Variants in DLGAP1 observed in about 807,000 individuals in gnomAD.
DLGAP1 encodes the protein DLG associated protein 1, also known as disks large-associated protein 1.
In DLGAP1, 11 loss-of-function variants were observed where a neutral mutation model predicts 90.8. That is an observed-to-expected ratio of 0.12 (90% CI 0.08 to 0.20). The LOEUF (loss-of-function observed/expected upper bound fraction) is 0.20. DLGAP1 is among the 10% of genes least tolerant of loss of function. The probability of loss-of-function intolerance (pLI) is 1.00; values close to 1 mark genes in which losing one functional copy is unlikely to be tolerated. For synonymous variants in DLGAP1, 558 were observed against 540.7 expected, an observed-to-expected ratio of 1.03 and a Z score of -0.44; for missense variants, 1,050 against 1,333.8, an observed-to-expected ratio of 0.79 and a Z score of 3.31.
At chr18:3,567,416 T>G in intron 9 of DLGAP1, 74 bp downstream of exon 9, 1 of 1,281,206 alleles carries the variant, frequency 7.8e-7, no homozygotes, top group Non-Finnish European at 1.1e-6. Flanking sequence ...TTTTGTAGAC[T>G]TATCACGGGG....
At chr18:3,518,434 G>A (rs1238773771) in intron 10 of DLGAP1, among the ~76,000 whole-genome samples, 1 of 151,946 alleles carries the variant, frequency 6.6e-6, no homozygotes, top group Non-Finnish European at 1.5e-5. Context: ...ACCAAAGTCT[G>A]ACACAAAAAC....
chr18:4,031,435 A>G (rs904858980), intron 2 of DLGAP1, among the ~76,000 whole-genome samples: 2 of 152,224 alleles, frequency 1.3e-5, no homozygotes, highest in African/African-American at 4.8e-5. Context: ...CCCCCTCATG[A>G]AAATCCTCTG....
At chr18:4,095,430 A>G (rs1297304237) in intron 2 of DLGAP1, among the ~76,000 whole-genome samples, 1 of 152,194 alleles carries the variant, frequency 6.6e-6, no homozygotes, top group East Asian at 1.9e-4. Context: ...GAACCCCTAA[A>G]GAGTTCTAGT....
chr18:3,556,841 C>G (rs1198704102), intron 9 of DLGAP1, among the ~76,000 whole-genome samples: 1 of 152,134 alleles, frequency 6.6e-6, no homozygotes, highest in Non-Finnish European at 1.5e-5. Flanking sequence ...GTTGATTAGG[C>G]AAGGTAGTTC....
At chr18:3,738,333 A>G (rs1436446704) in intron 6 of DLGAP1, among the ~76,000 whole-genome samples, 8 of 147,566 alleles carry the variant, frequency 5.4e-5, no homozygotes, top group Admixed American at 5.3e-4. Flanking sequence ...CCTAAGCCAA[A>G]AGAACAAAGC....
intron 1 of DLGAP1, among the ~76,000 whole-genome samples, chr18:4,382,455 AAAT>A (rs2082145260): frequency 6.6e-6 from 1 of 151,488 alleles, no homozygotes; most frequent in East Asian, 1.9e-4. Flanking sequence ...ATGAGAAAAA[AAAT>A]AACTGGGGCC....
intron 1 of DLGAP1, among the ~76,000 whole-genome samples, chr18:4,184,266 C>T (rs12969202): frequency 0.093 from 14,141 of 152,090 alleles, 863 homozygotes; most frequent in East Asian, 0.28. Context: ...GAACCAAAAC[C>T]CCTTGGGACG....
intron 7 of DLGAP1, among the ~76,000 whole-genome samples, chr18:3,676,599 C>T (rs2060311291): frequency 6.6e-6 from 1 of 152,100 alleles, no homozygotes; most frequent in Non-Finnish European, 1.5e-5. Flanking sequence ...GAGCAACTTC[C>T]TTCTTTCACA....
chr18:4,337,881 T>C (rs1226069988), intron 1 of DLGAP1, among the ~76,000 whole-genome samples: 1 of 152,200 alleles, frequency 6.6e-6, no homozygotes, highest in African/African-American at 2.4e-5. Context: ...ACAATGTTCT[T>C]TTCACAGAAG....
intron 3 of DLGAP1, chr18:3,896,333 A>G (rs1223712711): frequency 6.6e-6 from 1 of 151,702 alleles, no homozygotes; most frequent in Non-Finnish European, 1.5e-5. Context: ...ACATCACAGC[A>G]GAGACCACCG....
intron 7 of DLGAP1, among the ~76,000 whole-genome samples, chr18:3,583,805 G>A (rs2055714102): frequency 3.3e-5 from 5 of 152,164 alleles, no homozygotes; most frequent in South Asian, 4.1e-4. Context: ...AAAATTAGCC[G>A]GGTGTGGTGG....
chr18:3,552,608 G>A (rs74616867), intron 9 of DLGAP1, among the ~76,000 whole-genome samples: 5,248 of 152,236 alleles, frequency 0.034, 100 homozygotes, highest in Middle Eastern at 0.078. Context: ...AACACTGTTT[G>A]TATATCTTCA....
chr18:4,189,133 T>A (rs2077350358), intron 1 of DLGAP1, among the ~76,000 whole-genome samples: 1 of 152,144 alleles, frequency 6.6e-6, no homozygotes, highest in Non-Finnish European at 1.5e-5. Flanking sequence ...TTGATGAACA[T>A]CATCTCCATA....
intron 2 of DLGAP1, among the ~76,000 whole-genome samples, chr18:4,090,671 T>C: frequency 6.6e-6 from 1 of 152,160 alleles, no homozygotes; most frequent in East Asian, 1.9e-4. Flanking sequence ...TTAATCACTG[T>C]GGAAAAGTGT....
intron 1 of DLGAP1, among the ~76,000 whole-genome samples, chr18:4,361,305 A>C (rs900151567): frequency 1.3e-5 from 2 of 152,234 alleles, no homozygotes; most frequent in African/African-American, 4.8e-5. Context: ...TAGCCAAAAC[A>C]GTACCTAAAA....
intron 3 of DLGAP1, among the ~76,000 whole-genome samples, chr18:3,990,950 T>C (rs1189648882): frequency 1.3e-5 from 2 of 151,852 alleles, no homozygotes; most frequent in Non-Finnish European, 1.5e-5. Flanking sequence ...CTAAAATGTA[T>C]GTTATTTATG....
chr18:3,991,340 G>A (rs4541164), intron 3 of DLGAP1, among the ~76,000 whole-genome samples: 3 of 151,850 alleles, frequency 2.0e-5, no homozygotes, highest in African/African-American at 4.8e-5. Context: ...TCATCTCTCT[G>A]TATTTCCGGT....
Position 4,048,231 on chromosome 18 carries a change from A to AT in DLGAP1, c.-158-43031dup, listed in dbSNP as rs564219528. On this transcript the variant is annotated intron_variant, in intron 2 of 12. Coordinates refer to ENST00000315677, the MANE Select transcript of DLGAP1 (RefSeq NM_004746.4). The stretch of plus-strand genomic sequence containing the variant: ...CATAATGCAAAGAGCATATAAAAAC[A>AT]TTTTTTCAGCCATTTTTAAAAAATG... Among the ~76,000 whole-genome samples, 3 of 152,290 alleles carry AT rather than the reference A, an allele frequency of 2.0e-5. No homozygotes were observed. In the East Asian group the frequency reaches 5.8e-4, roughly 29 times the overall value.
rs1373067457 is a variant in DLGAP1, at chr18:3,497,612, GT to G, written c.*1572del. 1 of 152,158 alleles carries G rather than the reference GT, an allele frequency of 6.6e-6. No homozygotes were observed. Among genetic ancestry groups the G allele is most frequent in the Non-Finnish European group, 1.5e-5 (1 of 68,022 alleles). The allele number at this position is 152,158 out of a possible 1,614,324, so 9.4% of individuals were successfully genotyped here. On this transcript the variant is annotated 3_prime_UTR_variant, in exon 13 of 13. Transcript: ENST00000315677. ...TCTGGTGCAAGCATGTTTGATGTAT[GT>G]TTTTAAAAGTCTTTCGTTTTTAATT...
Sources: allele counts gnomAD v4.1 joint callset (sites outside exome capture counted in the v4.1 genomes callset), GRCh38; gene constraint gnomAD v4.1.1; transcripts MANE v1.5; gene names NCBI Gene and HGNC (gene_info 2026-07-23, HGNC 2026-07-21).